OPTN: variants seen among roughly 807,000 people sequenced by gnomAD.
The protein encoded by OPTN is optineurin.
OPTN carries 54 observed loss-of-function variants against 70.4 expected under a neutral mutation model. That is an observed-to-expected ratio of 0.77 (90% CI 0.62 to 0.96). OPTN has a LOEUF of 0.96. Among genes scored for constraint, OPTN ranks in the 40% least tolerant of loss-of-function variants. The pLI, the probability that OPTN is intolerant of heterozygous loss-of-function variation, is 0.00. For synonymous variants in OPTN, 256 were observed against 248.5 expected (o/e 1.03, Z -0.28); for missense variants, 624 against 673.2 (o/e 0.93, Z 0.81).
At chr10:13,131,155 C>T (rs1019614252) in intron 12 of OPTN, among the ~76,000 whole-genome samples, 2 of 152,134 alleles carry the variant, frequency 1.3e-5, no homozygotes, top group Admixed American at 1.3e-4. Context: ...GGCCTCAGTT[C>T]CTCACCATGT....
intron 7 of OPTN, among the ~76,000 whole-genome samples, chr10:13,120,637 T>G (rs1478394599): frequency 2.6e-5 from 4 of 152,102 alleles, no homozygotes; most frequent in African/African-American, 9.7e-5. Flanking sequence ...CATTTTGAGT[T>G]TGTTTCTGTG....
At position 13,138,107 on chromosome 10, in the gene OPTN, T is replaced by C. The variant is rs965706672; in HGVS notation, c.*1241T>C. Reference sequence around the variant, plus strand: ...AGTTCTATGGATATGAGCAGATCCCTTTACTGGAGCCCAGTATGTGCTGTG... The same window carrying C: ...AGTTCTATGGATATGAGCAGATCCCCTTACTGGAGCCCAGTATGTGCTGTG... On this transcript the variant is annotated 3_prime_UTR_variant, in exon 15 of 15. Coordinates refer to ENST00000378747, the MANE Select transcript of OPTN (RefSeq NM_001008212.2). 1 of 196,736 alleles carries C rather than the reference T, an allele frequency of 5.1e-6. No individual in the cohort carries two copies. The highest frequency in any genetic ancestry group is 1.1e-5 in the Non-Finnish European group (1 of 94,864). 12.2% of individuals were successfully genotyped at this position (196,736 alleles called of 1,614,324 possible).
chr10:13,102,795 T>A (rs1023465348), intron 1 of OPTN, among the ~76,000 whole-genome samples: 10 of 151,940 alleles, frequency 6.6e-5, no homozygotes, highest in Admixed American at 5.2e-4. Context: ...ATACAAAAAT[T>A]AGCTGGGAAT....
rs1256316557 is a variant in OPTN at position 13,131,898 on chromosome 10, G to A, written c.1402-169G>A. On this transcript the variant is annotated intron_variant, in intron 12 of 14. Coordinates refer to ENST00000378747, the MANE Select transcript of OPTN (RefSeq NM_001008212.2). Reference sequence around the variant, plus strand: ...ACAAACACAGCTTGTATCTGCTATCGGAATGTACCTGGAAAGTCATGGTCA... The same window carrying A: ...ACAAACACAGCTTGTATCTGCTATCAGAATGTACCTGGAAAGTCATGGTCA... Among the ~76,000 whole-genome samples, 4 of 152,112 alleles carry A rather than the reference G, an allele frequency of 2.6e-5. No homozygotes were observed. In the South Asian group the frequency reaches 8.3e-4, roughly 32 times the overall value.
At chr10:13,119,159 C>A (rs1345636550) in intron 7 of OPTN, 119 bp downstream of exon 7, 9 of 1,020,452 alleles carry the variant, frequency 8.8e-6, no homozygotes, top group South Asian at 1.5e-5. Context: ...TTAGAATATT[C>A]CAGGATTGTG....
chr10:13,104,608 T>C (rs1388134763), intron 1 of OPTN: 1 of 673,988 alleles, frequency 1.5e-6, no homozygotes, highest in Non-Finnish European at 2.8e-6. Context: ...GGATACTGTT[T>C]CCTCGTATTA....
intron 1 of OPTN, among the ~76,000 whole-genome samples, chr10:13,106,583 G>A (rs1459329948): frequency 6.6e-6 from 1 of 152,180 alleles, no homozygotes; most frequent in Non-Finnish European, 1.5e-5. Context: ...GTAGGAAGAA[G>A]TGGCACAGGC....
intron 7 of OPTN, among the ~76,000 whole-genome samples, chr10:13,119,769 C>G (rs1261283378): frequency 6.6e-6 from 1 of 152,126 alleles, no homozygotes; most frequent in Admixed American, 6.6e-5. Flanking sequence ...GAATTGGTAT[C>G]TCATAGTTCT....
chr10:13,116,681 T>A, intron 6 of OPTN: 1 of 381,760 alleles, frequency 2.6e-6, no homozygotes, highest in Non-Finnish European at 5.0e-6. Context: ...CCGGTGCCAT[T>A]TGACCCAGAC....
At position 13,109,109 on chromosome 10, in the gene OPTN, C is replaced by T; in HGVS notation, c.-11-3C>T. On this transcript the variant is annotated splice_polypyrimidine_tract_variant and splice_region_variant and intron_variant, in intron 2 of 14. Transcript: ENST00000378747. Reference sequence around the variant, plus strand: ...CTATTTTCAACAGGTGACTTTTCCACAGGAACTTCTGCAATGTCCCATCAA... The same window carrying T: ...CTATTTTCAACAGGTGACTTTTCCATAGGAACTTCTGCAATGTCCCATCAA... 1 of 1,613,828 alleles carries T rather than the reference C, an allele frequency of 6.2e-7. No homozygotes were observed. Among genetic ancestry groups the T allele is most frequent in the Non-Finnish European group, 8.5e-7 (1 of 1,179,924 alleles).
intron 12 of OPTN, among the ~76,000 whole-genome samples, chr10:13,129,921 TTA>T (rs1355405843): frequency 6.6e-6 from 1 of 152,188 alleles, no homozygotes; most frequent in Admixed American, 6.5e-5. Flanking sequence ...TGACTGGTAC[TTA>T]TAGCTTTAGT....
chr10:13,101,864 C>T (rs1028987837), intron 1 of OPTN, among the ~76,000 whole-genome samples: 10 of 152,182 alleles, frequency 6.6e-5, no homozygotes, highest in Non-Finnish European at 1.3e-4. Flanking sequence ...TTGTCACCTA[C>T]ACAGCAGAAA....
At chr10:13,132,017 A>G (rs961345120) in intron 12 of OPTN, 50 bp from the exon 13 acceptor site, 1 of 1,587,318 alleles carries the variant, frequency 6.3e-7, no homozygotes, top group Admixed American at 1.7e-5. Context: ...CACTGTAAGA[A>G]TCTGCATTCA....
intron 3 of OPTN, 88 bp from the exon 4 acceptor site, chr10:13,110,186 G>A: frequency 6.4e-7 from 1 of 1,570,614 alleles, no homozygotes; most frequent in South Asian, 1.2e-5. Flanking sequence ...TCAGAGCCAT[G>A]TGGTCAAGTG....
chr10:13,133,416 C>T, intron 13 of OPTN, 86 bp from the exon 14 acceptor site: 3 of 1,188,350 alleles, frequency 2.5e-6, no homozygotes, highest in East Asian at 2.4e-5. Flanking sequence ...GTCTTTTTTC[C>T]CCTACTTCTG....
At chr10:13,125,835 A>G in intron 10 of OPTN, 111 bp from the exon 11 acceptor site, 1 of 856,766 alleles carries the variant, frequency 1.2e-6, no homozygotes, top group South Asian at 1.5e-5. Flanking sequence ...GGGGTGATAA[A>G]GGTAGGCGAG....
chr10:13,104,425 CTTTTTTTT>C, intron 1 of OPTN: 1 of 147,980 alleles, frequency 6.8e-6, no homozygotes. Context: ...CACCCAGCTA[CTTTTTTTT>C]TTTTTTTTTT....
intron 13 of OPTN, among the ~76,000 whole-genome samples, chr10:13,132,648 C>A (rs1363946499): frequency 6.6e-6 from 1 of 152,050 alleles, no homozygotes; most frequent in African/African-American, 2.4e-5. Flanking sequence ...TCCCGAGTAG[C>A]TGGAACTACA....
rs778511187 is a variant in OPTN at position 13,112,533 on chromosome 10, A to G, written c.450A>G (p.Leu150=). 1.2e-6 allele frequency: 2 copies of G among 1,614,080 alleles called. No homozygotes were observed. The highest frequency in any genetic ancestry group is 1.7e-6 in the Non-Finnish European group (2 of 1,180,006). The change falls in exon 5 of 15, where the codon CTA becomes CTG. Residue 150 remains leucine (L), a synonymous_variant. Coordinates refer to ENST00000378747, the MANE Select transcript of OPTN (RefSeq NM_001008212.2). ...AGCTCAGGACCCAGGTGGTGAGGCT[A>G]CAAGCAGAGAAGGCAGACCTGTTGG... ...KDQLRTQVVR[L]QAEKADLLGI... is the part of the protein sequence containing the mutation.
Sources: gnomAD v4.1 joint callset for allele counts (sites outside exome capture counted in the v4.1 genomes callset) on GRCh38, gnomAD v4.1.1 for gene constraint, MANE v1.5 for transcripts, NCBI Gene and HGNC (gene_info 2026-07-23, HGNC 2026-07-21) for gene names.